Variants in ZNF69 observed in about 807,000 individuals in gnomAD.
The protein encoded by ZNF69 is ZNF3.
In ZNF69, 47 loss-of-function variants were observed where a neutral mutation model predicts 50.9. The observed-to-expected ratio is 0.92, with a 90% CI of 0.73 to 1.18. The LOEUF is 1.18. Ranked by LOEUF, ZNF69 falls within the 50% of genes most tolerant of loss-of-function variation. ZNF69 has a pLI of 0.00. For synonymous variants in ZNF69, 216 were observed against 223.1 expected (o/e 0.97, Z 0.29); for missense variants, 717 against 675.1 (o/e 1.06, Z -0.69).
chr19:11,976,670 C>T, the ZNF69 span, among the ~76,000 whole-genome samples: 2 of 151,652 alleles, frequency 1.3e-5, no homozygotes, highest in Non-Finnish European at 2.9e-5. Context: ...AGGTCAAGAC[C>T]AGCCTGACCA....
chr19:11,963,088 A>AGAGAGAGAGAGAGT, the ZNF69 span, among the ~76,000 whole-genome samples: 4,032 of 138,244 alleles, frequency 0.029, 271 homozygotes, highest in African/African-American at 0.11. Context: ...AGAGAGAGAG[A>AGAGAGAGAGAGAGT]GTGTGTGTGT....
rs1972330073 is a variant in ZNF69 at position 11,904,906 on chromosome 19, A to T, written c.509A>T (p.Lys170Ile). 1 of 1,614,076 alleles carries T rather than the reference A, an allele frequency of 6.2e-7. No individual in the cohort carries two copies. Among genetic ancestry groups the T allele is most frequent in the African/African-American group, 1.3e-5 (1 of 74,936 alleles). Reference sequence around the variant, plus strand: ...AAGCCATGTAAGTGTCAACAACCTAAAAAAGCCTTCAGATATCACCCCTCC... The same window carrying T: ...AAGCCATGTAAGTGTCAACAACCTATAAAAGCCTTCAGATATCACCCCTCC... ...GPKPCKCQQP[K>I]KAFRYHPSFR... The change falls in exon 4 of 4, where the codon AAA becomes ATA. Residue 170 changes from lysine (K) to isoleucine (I), a missense_variant. Physicochemically the swap from Lys to Ile is moderately radical, Grantham distance 102. Transcript: ENST00000429654.
chr19:11,977,381 G>A, the ZNF69 span: 1 of 1,613,818 alleles, frequency 6.2e-7, no homozygotes, highest in Non-Finnish European at 8.5e-7. Flanking sequence ...GGAAAAAGTG[G>A]AAAGACCAGA....
chr19:11,923,889 G>C, the ZNF69 span, among the ~76,000 whole-genome samples: 12 of 152,176 alleles, frequency 7.9e-5, no homozygotes, highest in Non-Finnish European at 2.9e-5. Context: ...GGGAGGGAAA[G>C]AGAGTTTCCC....
At chr19:11,933,154 A>G in the ZNF69 span, among the ~76,000 whole-genome samples, 1 of 147,246 alleles carries the variant, frequency 6.8e-6, no homozygotes, top group African/African-American at 2.7e-5. Flanking sequence ...GCTGTGCCTC[A>G]TACCTGTAAT....
intron 1 of ZNF69, among the ~76,000 whole-genome samples, chr19:11,901,886 T>C (rs1568277193): frequency 6.6e-6 from 1 of 151,818 alleles, no homozygotes; most frequent in Non-Finnish European, 1.5e-5. Flanking sequence ...CAGATCTACA[T>C]AAGTTCTCTA....
chr19:11,949,668 C>T, the ZNF69 span: 376 of 1,613,924 alleles, frequency 2.3e-4, 6 homozygotes, highest in South Asian at 3.8e-3. Flanking sequence ...TCAGATGTTG[C>T]AATTCCCTTC....
At chr19:11,928,954 TG>T in the ZNF69 span, among the ~76,000 whole-genome samples, 3 of 146,852 alleles carry the variant, frequency 2.0e-5, no homozygotes, top group African/African-American at 8.1e-5. Flanking sequence ...AAAAAAATAG[TG>T]GAGAGGGAAA....
At chr19:11,940,320 C>T in the ZNF69 span, among the ~76,000 whole-genome samples, 9 of 152,142 alleles carry the variant, frequency 5.9e-5, no homozygotes, top group Admixed American at 2.0e-4. Flanking sequence ...AAAATGAAGC[C>T]GTGGACCCTT....
downstream of ZNF69, among the ~76,000 whole-genome samples, chr19:11,918,006 G>A (rs1230958373): frequency 7.9e-5 from 12 of 151,956 alleles, no homozygotes; most frequent in Non-Finnish European, 1.2e-4. Flanking sequence ...GGCTGGTCTC[G>A]AACTCCTGAC....
the ZNF69 span, among the ~76,000 whole-genome samples, chr19:11,940,993 G>A: frequency 6.6e-6 from 1 of 151,592 alleles, no homozygotes; most frequent in African/African-American, 2.4e-5. Flanking sequence ...ACAGAGTGCC[G>A]ATTGGTGTAT....
chr19:11,949,266 A>G, the ZNF69 span: 4 of 1,614,138 alleles, frequency 2.5e-6, no homozygotes, highest in East Asian at 6.7e-5. Flanking sequence ...TTCACACTGG[A>G]GAGAAACCCT....
At chr19:11,908,031 C>G (rs1206706993), downstream of ZNF69, among the ~76,000 whole-genome samples, 1 of 152,184 alleles carries the variant, frequency 6.6e-6, no homozygotes, top group Non-Finnish European at 1.5e-5. Flanking sequence ...CAATCCTAGT[C>G]TCTGATAAAA....
the ZNF69 span, among the ~76,000 whole-genome samples, chr19:11,925,514 C>A: frequency 6.6e-6 from 1 of 152,154 alleles, no homozygotes; most frequent in African/African-American, 2.4e-5. Flanking sequence ...TGCCCCGGAG[C>A]CCTCTCTGGG....
chr19:11,919,817 T>A, the ZNF69 span, among the ~76,000 whole-genome samples: 2 of 152,194 alleles, frequency 1.3e-5, no homozygotes, highest in Non-Finnish European at 2.9e-5. Context: ...GGCAGCAAGA[T>A]GTTGGACTCC....
At chr19:11,955,595 A>G in the ZNF69 span, among the ~76,000 whole-genome samples, 1 of 152,022 alleles carries the variant, frequency 6.6e-6, no homozygotes, top group African/African-American at 2.4e-5. Flanking sequence ...GTGCCTGGCC[A>G]TTTATGCATC....
At chr19:11,915,388 A>G (rs1472326771), downstream of ZNF69, among the ~76,000 whole-genome samples, 1 of 152,252 alleles carries the variant, frequency 6.6e-6, no homozygotes, top group Non-Finnish European at 1.5e-5. Context: ...TGACAATGAC[A>G]ATGAAAGTGC....
the ZNF69 span, among the ~76,000 whole-genome samples, chr19:11,967,795 ACTGT>A: frequency 2.0e-5 from 3 of 152,210 alleles, no homozygotes; most frequent in Non-Finnish European, 2.9e-5. Flanking sequence ...GGAGGAACAT[ACTGT>A]CTAAGTTTTT....
At chr19:11,944,903 A>AC in the ZNF69 span, among the ~76,000 whole-genome samples, 37 of 152,208 alleles carry the variant, frequency 2.4e-4, no homozygotes, top group Non-Finnish European at 4.6e-4. Flanking sequence ...CACAGCCAGT[A>AC]TGACTGTGGC....
Sources: gnomAD v4.1 joint callset for allele counts (sites outside exome capture counted in the v4.1 genomes callset) on GRCh38, gnomAD v4.1.1 for gene constraint, MANE v1.5 for transcripts, NCBI Gene and HGNC (gene_info 2026-07-23, HGNC 2026-07-21) for gene names.